The following ABCA13 variants were observed in gnomAD, a reference collection of about 807,000 sequenced individuals.
ABCA13 encodes the protein ATP-binding cassette sub-family A member 13.
ABCA13 carries 476 observed loss-of-function variants against 478.7 expected under a neutral mutation model. That is an observed-to-expected ratio of 0.99 (90% CI 0.92 to 1.07). The LOEUF is 1.07. ABCA13 is among the 50% of genes least tolerant of loss of function. ABCA13 has a pLI of 0.00. For synonymous variants in ABCA13, 2,252 were observed against 2,158.9 expected, an observed-to-expected ratio of 1.04 and a Z score of -1.20; for missense variants, 6,060 against 5,910.6, an observed-to-expected ratio of 1.03 and a Z score of -0.83.
intron 15 of ABCA13, among the ~76,000 whole-genome samples, chr7:48,260,000 T>C (rs1218658946): frequency 6.6e-6 from 1 of 152,088 alleles, no homozygotes; most frequent in African/African-American, 2.4e-5. Flanking sequence ...GACCATTTCA[T>C]TTTTCAGCTC....
intron 48 of ABCA13, among the ~76,000 whole-genome samples, chr7:48,491,622 T>C (rs1829849280): frequency 6.6e-6 from 1 of 152,226 alleles, no homozygotes; most frequent in Non-Finnish European, 1.5e-5. Context: ...CTAATTTGAC[T>C]TGTTGATGCA....
chr7:48,332,586 G>A (rs1805584445), intron 27 of ABCA13, among the ~76,000 whole-genome samples: 1 of 152,100 alleles, frequency 6.6e-6, no homozygotes. Flanking sequence ...CCACATTTCT[G>A]CTCTGTTGTT....
chr7:48,239,099 A>G, intron 8 of ABCA13, 142 bp from the exon 9 acceptor site: 1 of 832,504 alleles, frequency 1.2e-6, no homozygotes, highest in South Asian at 2.0e-5. Flanking sequence ...CTCAAGGTAA[A>G]TCACATAGAT....
At chr7:48,297,633 G>A (rs948854396) in intron 22 of ABCA13, among the ~76,000 whole-genome samples, 9 of 152,140 alleles carry the variant, frequency 5.9e-5, no homozygotes, top group African/African-American at 2.2e-4. Context: ...GCTTCTTGTA[G>A]CATTAACATG....
chr7:48,338,511 G>C (rs1213317666), intron 29 of ABCA13, 56 bp downstream of exon 29: 2 of 1,418,428 alleles, frequency 1.4e-6, no homozygotes, highest in Non-Finnish European at 1.9e-6. Context: ...TCTGCCACTT[G>C]GGTGGGTCCT....
intron 55 of ABCA13, among the ~76,000 whole-genome samples, chr7:48,560,251 G>T (rs908585293): frequency 6.6e-6 from 1 of 152,158 alleles, no homozygotes; most frequent in Non-Finnish European, 1.5e-5. Context: ...ACCTCCATGT[G>T]TGGGCACTGA....
chr7:48,507,966 A>G lies in ABCA13; in HGVS notation c.13441A>G (p.Arg4481Gly). Reference sequence around the variant, plus strand: ...CATCGGCAGCTCTGTGGTGAGGGACAGGGTGATTGGAGCCAAAAGGTTGCA... The same window carrying G: ...CATCGGCAGCTCTGTGGTGAGGGACGGGGTGATTGGAGCCAAAAGGTTGCA... Reference protein sequence around the residue: ...ASIGSSVVRDRVIGAKRLQHI... With the variant: ...ASIGSSVVRDGVIGAKRLQHI... The change falls in exon 50 of 62, where the codon AGG becomes GGG. Residue 4481 changes from arginine (R) to glycine (G), a missense_variant. Physicochemically the swap from Arg to Gly is moderately radical, Grantham distance 125. Transcript: ENST00000435803. 6.2e-7 allele frequency: 1 copy of G among 1,613,798 alleles called. No individual in the cohort carries two copies. The highest frequency in any genetic ancestry group is 2.2e-5 in the East Asian group (1 of 44,800).
At chr7:48,510,227 G>A (rs1031926742) in intron 50 of ABCA13, among the ~76,000 whole-genome samples, 2 of 152,188 alleles carry the variant, frequency 1.3e-5, no homozygotes, top group Admixed American at 1.3e-4. Context: ...TTGATGGGAT[G>A]GAGGATGACT....
At chr7:48,515,670 G>T (rs975406864) in intron 51 of ABCA13, among the ~76,000 whole-genome samples, 2 of 152,148 alleles carry the variant, frequency 1.3e-5, no homozygotes. Context: ...CAGTTACAGT[G>T]CTGTCTCCTG....
chr7:48,239,329 G>A lies in ABCA13; in HGVS notation c.986G>A (p.Gly329Glu). The A allele has an allele frequency of 6.2e-7, 1 of 1,613,994 alleles. No individual in the cohort carries two copies. Among genetic ancestry groups the A allele is most frequent in the Non-Finnish European group, 8.5e-7 (1 of 1,179,870 alleles). ...GAAGCTGAGAAATGGGGCCACGTTG[G>A]AGGCTGCCACCCTAAGTGGTCAGAA... The part of the protein sequence containing the change: ...EDEAEKWGHV[G>E]GCHPKWSEAK... Residue 329 changes from glycine (G) to glutamate (E), a missense_variant, in exon 9 of 62, where the codon GGA becomes GAA. By Grantham distance (98) the Gly-to-Glu change is moderately conservative (BLOSUM62 -2). Around this residue, in one of 3 missense-constraint regions of ABCA13, gnomAD observed 4,423 missense variants for 4,309.1 expected, o/e 1.03. Transcript: ENST00000435803.
At chr7:48,193,343 G>C (rs1348081072) in intron 2 of ABCA13, among the ~76,000 whole-genome samples, 6 of 152,116 alleles carry the variant, frequency 3.9e-5, no homozygotes, top group Non-Finnish European at 4.4e-5. Flanking sequence ...ATATAGAAAG[G>C]AGAAGAAGTA....
chr7:48,580,951 A>C (rs1177776169), intron 56 of ABCA13, among the ~76,000 whole-genome samples: 1 of 152,080 alleles, frequency 6.6e-6, no homozygotes, highest in South Asian at 2.1e-4. Context: ...AGGCAGGTGG[A>C]GCAGTGAGAG....
chr7:48,593,242 T>TTG lies in ABCA13; in HGVS notation c.14641-1450_14641-1449dup, dbSNP rs35781047. Among the ~76,000 whole-genome samples, 307 of 147,888 alleles carry TTG rather than the reference T, an allele frequency of 2.1e-3. 3 individuals are homozygous for TTG. The East Asian group carries it at 0.031, about 15-fold the overall frequency. ...TGATTCATTTCTGTTTTTTTTTCTT[T>TTG]TGTGTGTGTGTGTGTGTGTATGTGT... is the stretch of plus-strand genomic sequence containing the variant. On this transcript the variant is annotated intron_variant, in intron 57 of 61. Transcript: ENST00000435803.
rs375051660 is a variant in ABCA13, at chr7:48,281,445, C to T, written c.8829C>T (p.Ile2943=). ...VKMMVVRVLT[I]VAENPSWTKD... ...TGATGGTCGTACGTGTGCTCACCAT[C>T]GTTGCAGGTGGGCTGCTCATATAAC... is the stretch of plus-strand genomic sequence containing the variant. The change falls in exon 19 of 62, where the codon ATC becomes ATT. Residue 2943 remains isoleucine, a synonymous_variant. Coordinates refer to ENST00000435803, the MANE Select transcript of ABCA13 (RefSeq NM_152701.5). 3.1e-5 allele frequency: 50 copies of T among 1,594,350 alleles called. No individual in the cohort carries two copies. Among genetic ancestry groups the T allele is most frequent in the South Asian group, 1.7e-4 (15 of 87,502 alleles).
At chr7:48,411,003 CTTTCTTTCTTTCT>C (rs1563208147) in intron 40 of ABCA13, among the ~76,000 whole-genome samples, 5 of 109,538 alleles carry the variant, frequency 4.6e-5, no homozygotes, top group Non-Finnish European at 9.8e-5. Flanking sequence ...TTCTTTCTTT[CTTTCTTTCTTTCT>C]TTCTTTCTTT....
intron 43 of ABCA13, among the ~76,000 whole-genome samples, chr7:48,459,922 G>A (rs1826067694): frequency 1.3e-5 from 2 of 152,074 alleles, no homozygotes; most frequent in Non-Finnish European, 2.9e-5. Context: ...AGAGGAGATG[G>A]TCCTAAATAT....
chr7:48,210,441 CT>C (rs1464519508), intron 3 of ABCA13, among the ~76,000 whole-genome samples: 1 of 151,942 alleles, frequency 6.6e-6, no homozygotes, highest in East Asian at 1.9e-4. Flanking sequence ...AGTTTTTTTT[CT>C]TTTTTTAAAA....
intron 7 of ABCA13, 53 bp downstream of exon 7, chr7:48,230,008 T>A: frequency 6.4e-7 from 1 of 1,557,334 alleles, no homozygotes; most frequent in South Asian, 1.2e-5. Context: ...ACTACTTAAA[T>A]TCATTGACAG....
chr7:48,415,240 C>A (rs1252473670), intron 41 of ABCA13, among the ~76,000 whole-genome samples: 1 of 152,140 alleles, frequency 6.6e-6, no homozygotes, highest in African/African-American at 2.4e-5. Flanking sequence ...AGTCAGTTTC[C>A]CTACAGACAG....
Sources: gnomAD v4.1 joint callset for allele counts (sites outside exome capture counted in the v4.1 genomes callset) on GRCh38, gnomAD v4.1.1 for gene constraint, gnomAD v4.1.1 regional missense constraint, MANE v1.5 for transcripts, NCBI Gene and HGNC (gene_info 2026-07-23, HGNC 2026-07-21) for gene names.